CCDC171: variants seen among roughly 807,000 people sequenced by gnomAD.
CCDC171 encodes the protein coiled-coil domain-containing protein 171.
CCDC171 carries 177 observed loss-of-function variants against 168.2 expected under a neutral mutation model. That is an observed-to-expected ratio of 1.05 (90% CI 0.93 to 1.19). The LOEUF (loss-of-function observed/expected upper bound fraction) is 1.19. Ranked by LOEUF, CCDC171 falls within the 50% of genes most tolerant of loss-of-function variation. CCDC171 has a pLI of 0.00. For synonymous variants in CCDC171, 687 were observed against 540.8 expected (o/e 1.27, Z -3.75); for missense variants, 1,991 against 1,539.0 (o/e 1.29, Z -4.91).
chr9:15,616,735 T>C (rs1587440491), intron 6 of CCDC171, among the ~76,000 whole-genome samples: 1 of 152,216 alleles, frequency 6.6e-6, no homozygotes, highest in East Asian at 1.9e-4. Context: ...AATAATAGTC[T>C]TTTATACTTA....
intron 21 of CCDC171, among the ~76,000 whole-genome samples, chr9:15,825,304 T>A (rs187871195): frequency 6.6e-6 from 1 of 152,178 alleles, no homozygotes; most frequent in East Asian, 1.9e-4. Flanking sequence ...TCAATATTAG[T>A]TCAGAGAATG....
At chr9:15,979,464 A>G (rs895665574) in intron 3 of CCDC171, among the ~76,000 whole-genome samples, 5 of 152,072 alleles carry the variant, frequency 3.3e-5, no homozygotes, top group African/African-American at 1.2e-4. Flanking sequence ...TGTTCCCTTC[A>G]ATTTTTAGTT....
chr9:15,828,129 A>G (rs1159223873), intron 21 of CCDC171, among the ~76,000 whole-genome samples: 1 of 152,188 alleles, frequency 6.6e-6, no homozygotes, highest in Non-Finnish European at 1.5e-5. Flanking sequence ...AGTTTGGGGA[A>G]TGTGAAAAAG....
chr9:16,011,886 GT>G (rs910643181), intron 3 of CCDC171, among the ~76,000 whole-genome samples: 18 of 152,154 alleles, frequency 1.2e-4, no homozygotes, highest in African/African-American at 4.1e-4. Flanking sequence ...GATTGTCTTG[GT>G]TCCTTATCTT....
chr9:15,904,699 A>G (rs1430633103), intron 24 of CCDC171, among the ~76,000 whole-genome samples: 7 of 152,200 alleles, frequency 4.6e-5, no homozygotes, highest in Middle Eastern at 3.2e-3. Context: ...AATGGGCTAA[A>G]TGCTCCAATT....
intron 21 of CCDC171, among the ~76,000 whole-genome samples, chr9:15,810,732 TCGCGCTGCCCTGTGAGTGCTG>T (rs2059314343): frequency 6.6e-6 from 1 of 152,114 alleles, no homozygotes; most frequent in Non-Finnish European, 1.5e-5. Flanking sequence ...CACCCGGAAC[TCGCGCTGCCCTGTGAGTGCTG>T]CGCGCAGCCC....
intron 6 of CCDC171, among the ~76,000 whole-genome samples, chr9:15,620,342 A>G (rs2044406683): frequency 6.6e-6 from 1 of 152,176 alleles, no homozygotes; most frequent in Non-Finnish European, 1.5e-5. Flanking sequence ...AGGAGGTCCA[A>G]ATGTCATCAT....
At chr9:15,684,859 G>A (rs2050274404) in intron 10 of CCDC171, among the ~76,000 whole-genome samples, 1 of 152,074 alleles carries the variant, frequency 6.6e-6, no homozygotes, top group African/African-American at 2.4e-5. Context: ...AACTTTCTTT[G>A]AATATTTTGA....
chr9:15,999,581 G>A lies in CCDC171; in HGVS notation n.369-21008G>A, dbSNP rs572503949. 1.1e-4 allele frequency among the ~76,000 whole-genome samples: 17 copies of A among 152,252 alleles called. No individual in the cohort carries two copies. The South Asian group carries it at 2.3e-3, about 20-fold the overall frequency. On this transcript the variant is annotated intron_variant and non_coding_transcript_variant, in intron 3 of 9. Transcript: ENST00000486641. ...GCCATCCCTAGGTCTTCCAATAGTG[G>A]TGCAGCATCTGCACTATTGTCACTG...
At chr9:15,910,100 A>C (rs1163609172) in intron 24 of CCDC171, among the ~76,000 whole-genome samples, 1 of 151,852 alleles carries the variant, frequency 6.6e-6, no homozygotes, top group South Asian at 2.1e-4. Flanking sequence ...GGCCTTAATT[A>C]TATCCATGTG....
In CCDC171 at chr9:15,612,659, G is replaced by A. The variant is rs1037711254; in HGVS notation, c.676-10608G>A. ...GAGTTTTGACTATTTTCTTGGTTGG[G>A]CACATTGCCTTTTGTGTGCTTTGTT... On this transcript the variant is annotated intron_variant, in intron 6 of 25. Coordinates refer to ENST00000380701, the MANE Select transcript of CCDC171 (RefSeq NM_173550.4). Among the ~76,000 whole-genome samples the A allele has an allele frequency of 2.0e-5, 3 of 152,138 alleles. No individual in the cohort carries two copies. The East Asian group carries it at 5.8e-4, about 29-fold the overall frequency.
chr9:15,778,978 C>T lies in CCDC171; in HGVS notation c.2909C>T (p.Ala970Val). ...RGHVPITKST[A>V]SLQKQILGFT... ...CTTGTTTAACAACAGAAAAGCACAGCATCGTTGCAGAAGCAAATACTTGGA... is the reference window on the plus strand; with the variant it reads ...CTTGTTTAACAACAGAAAAGCACAGTATCGTTGCAGAAGCAAATACTTGGA... Residue 970 changes from alanine (A) to valine (V), a missense_variant, in exon 20 of 26, where the codon GCA becomes GTA. Transcript: ENST00000380701. 6.6e-7 allele frequency: 1 copy of T among 1,522,738 alleles called. No individual in the cohort carries two copies. Among genetic ancestry groups the T allele is most frequent in the South Asian group, 1.4e-5 (1 of 72,540 alleles). 94.3% of individuals were successfully genotyped at this position (1,522,738 alleles called of 1,614,324 possible).
intron 22 of CCDC171, among the ~76,000 whole-genome samples, chr9:15,848,263 A>G (rs1466732754): frequency 6.6e-6 from 1 of 152,004 alleles, no homozygotes; most frequent in Non-Finnish European, 1.5e-5. Flanking sequence ...TTACAGTTTT[A>G]AATTTCAATT....
downstream of CCDC171, among the ~76,000 whole-genome samples, chr9:16,061,939 C>G (rs1038860936): frequency 1.3e-5 from 2 of 152,166 alleles, no homozygotes; most frequent in African/African-American, 2.4e-5. Context: ...TATAAACCCT[C>G]CCACTATGGC....
chr9:15,910,466 T>A (rs1823459269), intron 24 of CCDC171, among the ~76,000 whole-genome samples: 1 of 152,202 alleles, frequency 6.6e-6, no homozygotes, highest in African/African-American at 2.4e-5. Flanking sequence ...TTGCTTACGA[T>A]AGCCTTGTAG....
chr9:15,999,244 AAAAG>A lies in CCDC171; in HGVS notation n.369-21335_369-21332del, dbSNP rs1212210593. On this transcript the variant is annotated intron_variant and non_coding_transcript_variant, in intron 3 of 9. Coordinates refer to the CCDC171 transcript ENST00000486641. Reference sequence around the variant, plus strand: ...GGAAAAGAGGAAGAAAGATAGAAAGAAAAGAAAGAAAGAGAGAAAGAGAAAGAAA... The same window carrying A: ...GGAAAAGAGGAAGAAAGATAGAAAGAAAAGAAAGAGAGAAAGAGAAAGAAA... 4.6e-5 allele frequency among the ~76,000 whole-genome samples: 7 copies of A among 151,394 alleles called. No homozygotes were observed. In the South Asian group the frequency reaches 8.4e-4, roughly 18 times the overall value.
intron 2 of CCDC171, among the ~76,000 whole-genome samples, chr9:15,567,326 C>G (rs542912729): frequency 4.6e-5 from 7 of 152,194 alleles, no homozygotes; most frequent in African/African-American, 1.7e-4. Context: ...AATCCAATAT[C>G]ACATTGTCTT....
intron 3 of CCDC171, among the ~76,000 whole-genome samples, chr9:16,019,009 A>G (rs1464480552): frequency 6.6e-6 from 1 of 152,258 alleles, no homozygotes; most frequent in African/African-American, 2.4e-5. Context: ...TGTTTGGAAG[A>G]CTAAATCTAA....
intron 21 of CCDC171, among the ~76,000 whole-genome samples, chr9:15,809,928 G>GA (rs2059261618): frequency 6.6e-6 from 1 of 152,108 alleles, no homozygotes; most frequent in Non-Finnish European, 1.5e-5. Flanking sequence ...ACAGAGAGCT[G>GA]TTTGGTCCGT....
Sources: gnomAD v4.1 joint callset for allele counts (sites outside exome capture counted in the v4.1 genomes callset) on GRCh38, gnomAD v4.1.1 for gene constraint, MANE v1.5 for transcripts, NCBI Gene and HGNC (gene_info 2026-07-23, HGNC 2026-07-21) for gene names.